Variants in PRKD1 observed in about 807,000 individuals in gnomAD.
The protein encoded by PRKD1 is protein kinase D1, also known as serine/threonine-protein kinase D1.
Under a neutral mutation model 95.9 loss-of-function variants are expected in PRKD1, and 63 were observed. The ratio of observed to expected loss-of-function variants is 0.66; its 90% CI spans 0.54 to 0.81. PRKD1 has a LOEUF of 0.81. PRKD1 is among the 30% of genes least tolerant of loss of function. PRKD1 has a pLI of 0.00. For synonymous variants in PRKD1, 425 were observed against 423.1 expected (o/e 1.00, Z -0.05); for missense variants, 1,048 against 1,165.3 (o/e 0.90, Z 1.47).
At chr14:29,767,309 C>T (rs1888300014) in intron 1 of PRKD1, among the ~76,000 whole-genome samples, 1 of 152,108 alleles carries the variant, frequency 6.6e-6, no homozygotes, top group African/African-American at 2.4e-5. Flanking sequence ...ATGTATCCAG[C>T]TTGAAAAATC....
At chr14:29,775,180 C>T (rs569398699) in intron 1 of PRKD1, among the ~76,000 whole-genome samples, 2 of 152,308 alleles carry the variant, frequency 1.3e-5, no homozygotes, top group East Asian at 3.9e-4. Context: ...TCCAAGATGG[C>T]CGAATAGGAA....
chr14:29,851,031 T>A (rs1892288579), intron 1 of PRKD1, among the ~76,000 whole-genome samples: 1 of 152,068 alleles, frequency 6.6e-6, no homozygotes, highest in African/African-American at 2.4e-5. Context: ...GGTGGTGGCA[T>A]AACTGGCTAA....
intron 4 of PRKD1, among the ~76,000 whole-genome samples, chr14:29,655,801 A>T (rs889236842): frequency 4.5e-4 from 69 of 152,058 alleles, no homozygotes; most frequent in African/African-American, 1.5e-3. Flanking sequence ...TACCATTTTT[A>T]AAAAATAATT....
At chr14:29,684,143 G>GTTTTTTTTTTTTTTTTTTT (rs11285857) in intron 2 of PRKD1, among the ~76,000 whole-genome samples, 1 of 135,792 alleles carries the variant, frequency 7.4e-6, no homozygotes, top group Admixed American at 7.3e-5. Context: ...CTTTAGAATG[G>GTTTTTTTTTTTTTTTTTTT]TTTTTTTTTT....
intron 4 of PRKD1, among the ~76,000 whole-genome samples, chr14:29,640,617 T>A (rs970450691): frequency 6.6e-6 from 1 of 152,196 alleles, no homozygotes; most frequent in Non-Finnish European, 1.5e-5. Context: ...ATAAATACTT[T>A]CAATGGAATT....
chr14:29,644,506 T>C (rs1243752665), intron 4 of PRKD1, among the ~76,000 whole-genome samples: 1 of 152,186 alleles, frequency 6.6e-6, no homozygotes, highest in East Asian at 1.9e-4. Flanking sequence ...GTGAACCCAT[T>C]GTTGATGGAT....
chr14:29,840,396 G>A lies in PRKD1; in HGVS notation c.264+86853C>T, dbSNP rs199544470. On this transcript the variant is annotated intron_variant, in intron 1 of 17. Coordinates refer to ENST00000331968, the MANE Select transcript of PRKD1 (RefSeq NM_002742.3). The stretch of plus-strand genomic sequence containing the variant: ...TGTCCATATCATTATCAGTATTTTT[G>A]TCAAAGCCATTCAACAAGTCTCCAG... 3.9e-5 allele frequency among the ~76,000 whole-genome samples: 6 copies of A among 152,030 alleles called. No homozygotes were observed. In the East Asian group the frequency reaches 1.2e-3, roughly 29 times the overall value.
Position 29,927,473 on chromosome 14 carries a change from G to T in PRKD1, c.40C>A (p.Leu14Met). ...PPVLRPPSPL[L>M]PVAAAAAAAA... ...GCGGCAGCTGCCGCCGCCACGGGCA[G>T]CAGCGGACTGGGCGGCCGCAGGACC... The change falls in exon 1 of 18, where the codon CTG (leucine) becomes ATG (methionine). Residue 14 changes from leucine to methionine, a missense_variant. Physicochemically the swap from Leu to Met is conservative, Grantham distance 15. This residue lies in a region of PRKD1 where 34 missense variants were observed against 54.8 expected (regional missense o/e 0.62). Coordinates refer to ENST00000331968, the MANE Select transcript of PRKD1 (RefSeq NM_002742.3). 1 of 1,270,238 alleles carries T rather than the reference G, an allele frequency of 7.9e-7. No homozygotes were observed. The highest frequency in any genetic ancestry group is 9.9e-7 in the Non-Finnish European group (1 of 1,013,222). The allele number at this position is 1,270,238 out of a possible 1,614,324, so 78.7% of individuals were successfully genotyped here.
intron 2 of PRKD1, among the ~76,000 whole-genome samples, chr14:29,713,281 C>T (rs1885423428): frequency 6.6e-6 from 1 of 152,074 alleles, no homozygotes; most frequent in Non-Finnish European, 1.5e-5. Flanking sequence ...CAATATTGAC[C>T]TTCATTGACC....
intron 1 of PRKD1, among the ~76,000 whole-genome samples, chr14:29,861,527 C>T (rs1892708520): frequency 6.6e-6 from 1 of 152,106 alleles, no homozygotes; most frequent in Admixed American, 6.6e-5. Context: ...GTATCCATCC[C>T]CTCAAGCATT....
chr14:29,744,101 C>A (rs991357403), intron 1 of PRKD1, among the ~76,000 whole-genome samples: 1 of 152,160 alleles, frequency 6.6e-6, no homozygotes, highest in Non-Finnish European at 1.5e-5. Context: ...TCGGGTGACA[C>A]AAATTTCTAA....
rs1411376874 is a variant in PRKD1, at chr14:29,818,845, CTAAGAAAAT to C, written c.265-93180_265-93172del. Among the ~76,000 whole-genome samples, 8 of 150,462 alleles carry C rather than the reference CTAAGAAAAT, an allele frequency of 5.3e-5. No homozygotes were observed. The Admixed American group carries it at 5.4e-4, about 10-fold the overall frequency. On this transcript the variant is annotated intron_variant, in intron 1 of 17. Transcript: ENST00000331968. ...GTTTCATAAATACTATCAATTTACT[CTAAGAAAAT>C]TAAGTAATAACTTTAATGTATATAG...
chr14:29,907,696 G>T (rs888339618), intron 1 of PRKD1, among the ~76,000 whole-genome samples: 1 of 152,098 alleles, frequency 6.6e-6, no homozygotes, highest in Non-Finnish European at 1.5e-5. Context: ...GCAAAAGAAA[G>T]GACTTTTAGT....
chr14:29,657,898 A>T (rs1374695436), intron 4 of PRKD1: 2 of 148,116 alleles, frequency 1.4e-5, no homozygotes, highest in Non-Finnish European at 2.9e-5. Flanking sequence ...AACAAACAAA[A>T]AAAAGAAAAA....
intron 1 of PRKD1, among the ~76,000 whole-genome samples, chr14:29,776,551 G>C (rs556860971): frequency 3.9e-5 from 6 of 152,310 alleles, no homozygotes; most frequent in Admixed American, 3.9e-4. Context: ...ATCAGTGATT[G>C]AAGATCAAAT....
At chr14:29,651,425 T>C (rs909176073) in intron 4 of PRKD1, among the ~76,000 whole-genome samples, 2 of 152,160 alleles carry the variant, frequency 1.3e-5, no homozygotes, top group Non-Finnish European at 2.9e-5. Flanking sequence ...ACATCATCAC[T>C]CTTTTTGAGA....
chr14:29,839,175 G>T (rs1810983761), intron 1 of PRKD1, among the ~76,000 whole-genome samples: 1 of 152,130 alleles, frequency 6.6e-6, no homozygotes, highest in Non-Finnish European at 1.5e-5. Flanking sequence ...CATTTCAAGT[G>T]GTTCAACTTG....
chr14:29,760,916 G>T (rs1430465724), intron 1 of PRKD1, among the ~76,000 whole-genome samples: 1 of 152,064 alleles, frequency 6.6e-6, no homozygotes, highest in East Asian at 1.9e-4. Flanking sequence ...TTGTCAGCCA[G>T]ATTCTTTACG....
In PRKD1 at chr14:29,636,449, C is replaced by T; in HGVS notation, c.1031G>A (p.Gly344Glu). 1 of 1,614,114 alleles carries T rather than the reference C, an allele frequency of 6.2e-7. No individual in the cohort carries two copies. The highest frequency in any genetic ancestry group is 8.5e-7 in the Non-Finnish European group (1 of 1,180,030). Residue 344 changes from glycine to glutamate, a missense_variant, in exon 7 of 18, where the codon GGG (glycine) becomes GAG (glutamate). Physicochemically the swap from Gly to Glu is moderately conservative, Grantham distance 98. Transcript: ENST00000331968. ...CCTTTCACTATCATTGTCATCACTC[C>T]CTTCTTCCATGACCACATCAGACTC... ...GAESDVVMEE[G>E]SDDNDSERNS...
Sources: allele counts gnomAD v4.1 joint callset (sites outside exome capture counted in the v4.1 genomes callset), GRCh38; gene constraint gnomAD v4.1.1; regional missense constraint gnomAD v4.1.1; transcripts MANE v1.5; gene names NCBI Gene and HGNC (gene_info 2026-07-23, HGNC 2026-07-21).